MFSD6: variants seen among roughly 807,000 people sequenced by gnomAD.
MFSD6 encodes the protein major facilitator superfamily domain containing 6.
A neutral mutation model predicts 56.3 loss-of-function variants in MFSD6; 26 were observed. The observed-to-expected ratio is 0.46, with a 90% CI of 0.34 to 0.64. MFSD6 has a LOEUF of 0.64. MFSD6 is among the 30% of genes least tolerant of loss of function. The pLI is 0.01. For missense variants in MFSD6, 750 were observed against 986.2 expected, an observed-to-expected ratio of 0.76 and a Z score of 3.21; for synonymous variants, 331 against 366.9, an observed-to-expected ratio of 0.90 and a Z score of 1.12.
Position 190,497,407 on chromosome 2 carries a change from A to C in MFSD6, c.1892-32A>C. 2 of 1,599,714 alleles carry C rather than the reference A, an allele frequency of 1.3e-6. No individual in the cohort carries two copies. The highest frequency in any genetic ancestry group is 1.7e-6 in the Non-Finnish European group (2 of 1,172,126). On this transcript the variant is annotated intron_variant, in intron 6 of 7. Transcript: ENST00000392328. This position sits in a 1 kb window ranked among gnomAD's most constrained non-coding sequence, Gnocchi z 5.2. ...TTGTTCAAATATGTAGAAAATGCTG[A>C]AAAAATAGTTTAAACATTCTTTTCT...
chr2:190,456,313 G>C lies in MFSD6; in HGVS notation c.1533-13445G>C, dbSNP rs1179316840. Among the ~76,000 whole-genome samples the C allele has an allele frequency of 6.6e-6, 1 of 152,144 alleles. No individual in the cohort carries two copies. The highest frequency in any genetic ancestry group is 1.5e-5 in the Non-Finnish European group (1 of 68,016). ...TTCAGACAGAGAAGGTGTTTAGCATGGTGAGTGGGAACTGCATTGACTTCA... is the reference window on the plus strand; with the variant it reads ...TTCAGACAGAGAAGGTGTTTAGCATCGTGAGTGGGAACTGCATTGACTTCA... On this transcript the variant is annotated intron_variant, in intron 3 of 7. Transcript: ENST00000392328. This position sits in a 1 kb window ranked among gnomAD's most constrained non-coding sequence, Gnocchi z 5.4.
Position 190,418,000 on chromosome 2 carries a change from GTA to G in MFSD6, c.-54+2589_-54+2590del, listed in dbSNP as rs1491298712. 6.3e-3 allele frequency among the ~76,000 whole-genome samples: 927 copies of G among 146,356 alleles called. 1 individual carries two copies. Among genetic ancestry groups the G allele is most frequent in the South Asian group, 0.015 (67 of 4,594 alleles). On this transcript the variant is annotated intron_variant, in intron 2 of 7. Coordinates refer to ENST00000392328, the MANE Select transcript of MFSD6 (RefSeq NM_017694.4). The surrounding 1 kb of genome is among the most constrained non-coding windows in gnomAD (Gnocchi z 5.7). ...TGTGTGTGTGTGTGTGTGTGTGTGT[GTA>G]TGTGAGAGAGAGAGAGATGTGGTTT... is the stretch of plus-strand genomic sequence containing the variant.
chr2:190,464,860 G>A (rs769355030), intron 3 of MFSD6: 1 of 779,024 alleles, frequency 1.3e-6, no homozygotes, highest in Admixed American at 9.8e-5. Context: ...CTTAATAAAT[G>A]TTTATTGAGC....
intron 4 of MFSD6, chr2:190,477,375 G>T (rs1479604411): frequency 2.0e-6 from 2 of 980,588 alleles, no homozygotes; most frequent in East Asian, 2.3e-4. Context: ...TATAAATAAA[G>T]ATTTGTATAC....
Position 190,489,282 on chromosome 2 carries a change from T to A in MFSD6, c.1792+464T>A, listed in dbSNP as rs1689191050. On this transcript the variant is annotated intron_variant, in intron 5 of 7. Coordinates refer to ENST00000392328, the MANE Select transcript of MFSD6 (RefSeq NM_017694.4). The surrounding 1 kb of genome is among the most constrained non-coding windows in gnomAD (Gnocchi z 6.6). ...TCTGTCTGTCTTGTCATATCTTCCTTATTAGAAACATAGGAGCTGAAATAG... is the reference window on the plus strand; with the variant it reads ...TCTGTCTGTCTTGTCATATCTTCCTAATTAGAAACATAGGAGCTGAAATAG... 6.6e-6 allele frequency among the ~76,000 whole-genome samples: 1 copy of A among 152,176 alleles called. No homozygotes were observed. Among genetic ancestry groups the A allele is most frequent in the Non-Finnish European group, 1.5e-5 (1 of 68,030 alleles).
At position 190,498,316 on chromosome 2, in the gene MFSD6, A is replaced by G. The variant is rs376974076; in HGVS notation, c.2172+597A>G. On this transcript the variant is annotated intron_variant, in intron 7 of 7. Coordinates refer to ENST00000392328, the MANE Select transcript of MFSD6 (RefSeq NM_017694.4). This position sits in a 1 kb window ranked among gnomAD's most constrained non-coding sequence, Gnocchi z 5.9. ...ACTTTGGAAAATGAGTGTAACTTCT[A>G]TAAACAATTTAGCCAAAGAAATAGG... Among the ~76,000 whole-genome samples the G allele has an allele frequency of 8.5e-5, 13 of 152,356 alleles. 2 individuals carry two copies. Among genetic ancestry groups the G allele is most frequent in the African/African-American group, 2.9e-4 (12 of 41,582 alleles).
At position 190,436,987 on chromosome 2, in the gene MFSD6, C is replaced by T; in HGVS notation, c.958C>T (p.His320Tyr). The part of the protein sequence containing the change: ...DTVTLQYLGK[H>Y]RDRYGLQRMW... ...GGTCACACTCCAGTATCTGGGAAAACACAGAGATCGCTATGGGTTGCAGCG... is the reference window on the plus strand; with the variant it reads ...GGTCACACTCCAGTATCTGGGAAAATACAGAGATCGCTATGGGTTGCAGCG... Residue 320 changes from histidine to tyrosine, a missense_variant, in exon 3 of 8, where the codon CAC becomes TAC. Physicochemically the swap from His to Tyr is moderately conservative, Grantham distance 83. Transcript: ENST00000392328. This position sits in a 1 kb window ranked among gnomAD's most constrained non-coding sequence, Gnocchi z 5.3. The T allele has an allele frequency of 1.2e-6, 2 of 1,614,208 alleles. No individual in the cohort carries two copies. Among genetic ancestry groups the T allele is most frequent in the Non-Finnish European group, 1.7e-6 (2 of 1,180,042 alleles).
At chr2:190,430,371 T>G (rs1423065441) in intron 2 of MFSD6, among the ~76,000 whole-genome samples, 2 of 151,312 alleles carry the variant, frequency 1.3e-5, no homozygotes, top group Non-Finnish European at 2.9e-5. Flanking sequence ...AGTGTTTGTG[T>G]CCCTGGGTAC....
intron 6 of MFSD6, among the ~76,000 whole-genome samples, chr2:190,493,083 A>G (rs1297624309): frequency 6.6e-6 from 1 of 152,108 alleles, no homozygotes; most frequent in African/African-American, 2.4e-5. Context: ...AAAGATACAG[A>G]ATTGCAGAAT....
chr2:190,488,149 C>T lies in MFSD6; in HGVS notation c.1631-508C>T, dbSNP rs1458681540. ...ATCTCCTGACCTCGTGATCCACCCG[C>T]CTCGGCCTCCCAAAGTGCTGGGATT... On this transcript the variant is annotated intron_variant, in intron 4 of 7. Coordinates refer to ENST00000392328, the MANE Select transcript of MFSD6 (RefSeq NM_017694.4). The surrounding 1 kb of genome is among the most constrained non-coding windows in gnomAD (Gnocchi z 6.4). 2.0e-5 allele frequency among the ~76,000 whole-genome samples: 3 copies of T among 152,232 alleles called. No individual in the cohort carries two copies. Among genetic ancestry groups the T allele is most frequent in the Admixed American group, 2.0e-4 (3 of 15,290 alleles).
chr2:190,455,818 C>A (rs1233440515), intron 3 of MFSD6, among the ~76,000 whole-genome samples: 9 of 149,426 alleles, frequency 6.0e-5, no homozygotes, highest in African/African-American at 2.2e-4. Flanking sequence ...TTGGAAAAAA[C>A]TATATCAGTT....
In MFSD6 at chr2:190,447,498, GTCATAGCACATA is replaced by G. The variant is rs202066898; in HGVS notation, c.1532+9939_1532+9950del. Among the ~76,000 whole-genome samples the G allele has an allele frequency of 0.01, 1,578 of 152,214 alleles. 33 individuals carry two copies. The highest frequency in any genetic ancestry group is 0.035 in the African/African-American group (1,452 of 41,526). On this transcript the variant is annotated intron_variant, in intron 3 of 7. Transcript: ENST00000392328. The surrounding 1 kb of genome is among the most constrained non-coding windows in gnomAD (Gnocchi z 4.5). Reference sequence around the variant, plus strand: ...GCCCTATCTTATACATATAGTCTGTGTCATAGCACATATGAAAAAATGACCTACCTAGTGATA... The same window carrying G: ...GCCCTATCTTATACATATAGTCTGTGTGAAAAAATGACCTACCTAGTGATA...
chr2:190,498,826 C>T lies in MFSD6; in HGVS notation c.2172+1107C>T, dbSNP rs1050163335. Among the ~76,000 whole-genome samples, 49 of 152,174 alleles carry T rather than the reference C, an allele frequency of 3.2e-4. 1 individual carries two copies. The highest frequency in any genetic ancestry group is 9.2e-4 in the African/African-American group (38 of 41,502). On this transcript the variant is annotated intron_variant, in intron 7 of 7. Transcript: ENST00000392328. The surrounding 1 kb of genome is among the most constrained non-coding windows in gnomAD (Gnocchi z 5.9). Reference sequence around the variant, plus strand: ...AAGCCACATAAAATTTTTGATGTGGCGCTTTTTTTCTGGTATGTTAGGATT... The same window carrying T: ...AAGCCACATAAAATTTTTGATGTGGTGCTTTTTTTCTGGTATGTTAGGATT...
At chr2:190,430,827 G>A (rs1285563561) in intron 2 of MFSD6, among the ~76,000 whole-genome samples, 14 of 143,690 alleles carry the variant, frequency 9.7e-5, no homozygotes, top group Admixed American at 1.4e-4. Flanking sequence ...CGGACGGGGC[G>A]GCCGGCCGGG....
Position 190,418,903 on chromosome 2 carries a change from AG to A in MFSD6, c.-54+3493del, listed in dbSNP as rs2124992782. On this transcript the variant is annotated intron_variant, in intron 2 of 7. Coordinates refer to ENST00000392328, the MANE Select transcript of MFSD6 (RefSeq NM_017694.4). This position sits in a 1 kb window ranked among gnomAD's most constrained non-coding sequence, Gnocchi z 4.1. Reference sequence around the variant, plus strand: ...CCCGTGGGCAGTGCTGAGTGCCTGGAGGGCTCAGGCTGGAAACTGGGCTGAC... The same window carrying A: ...CCCGTGGGCAGTGCTGAGTGCCTGGAGGCTCAGGCTGGAAACTGGGCTGAC... 6.6e-6 allele frequency among the ~76,000 whole-genome samples: 1 copy of A among 152,296 alleles called. No individual in the cohort carries two copies. The highest frequency in any genetic ancestry group is 1.9e-4 in the East Asian group (1 of 5,176).
Position 190,408,367 on chromosome 2 carries a change from G to A in MFSD6, c.-312G>A, listed in dbSNP as rs1202704783. On this transcript the variant is annotated 5_prime_UTR_variant, in exon 1 of 8. Transcript: ENST00000392328. Reference sequence around the variant, plus strand: ...CCCCGCCCAGCCCGTCGCAGCCCCGGAGGAGCGCGCGAGCAGCCCGGGATG... The same window carrying A: ...CCCCGCCCAGCCCGTCGCAGCCCCGAAGGAGCGCGCGAGCAGCCCGGGATG... 2 of 151,098 alleles carry A rather than the reference G, an allele frequency of 1.3e-5. No homozygotes were observed. Among genetic ancestry groups the A allele is most frequent in the East Asian group, 2.0e-4 (1 of 5,116 alleles). 9.4% of individuals were successfully genotyped at this position (151,098 alleles called of 1,614,324 possible). A position where few individuals can be genotyped will look rare whatever the true frequency, so the allele number is the denominator to read the frequency against.
At position 190,498,452 on chromosome 2, in the gene MFSD6, AT is replaced by A. The variant is rs1689834684; in HGVS notation, c.2172+734del. Among the ~76,000 whole-genome samples, 1 of 152,228 alleles carries A rather than the reference AT, an allele frequency of 6.6e-6. No individual in the cohort carries two copies. The highest frequency in any genetic ancestry group is 2.1e-4 in the South Asian group (1 of 4,832). ...AAAAATAAAGGGGAAAGATTTAAAAATAAGGGTCATTTGAGTAATTCCCCTT... is the reference window on the plus strand; with the variant it reads ...AAAAATAAAGGGGAAAGATTTAAAAAAAGGGTCATTTGAGTAATTCCCCTT... On this transcript the variant is annotated intron_variant, in intron 7 of 7. Coordinates refer to ENST00000392328, the MANE Select transcript of MFSD6 (RefSeq NM_017694.4). This position sits in a 1 kb window ranked among gnomAD's most constrained non-coding sequence, Gnocchi z 5.9.
At chr2:190,477,361 ACT>A in intron 4 of MFSD6, 1 of 983,496 alleles carries the variant, frequency 1.0e-6, no homozygotes, top group African/African-American at 1.7e-5. Flanking sequence ...CAGTGTGCAG[ACT>A]CTATAAATAA....
At chr2:190,408,787 C>G (rs1008441984) in intron 1 of MFSD6, among the ~76,000 whole-genome samples, 3 of 152,200 alleles carry the variant, frequency 2.0e-5, no homozygotes, top group Admixed American at 1.3e-4. Context: ...CAGCGCGCCC[C>G]GTGCTGGCAG....
Sources: gnomAD v4.1 joint callset for allele counts (sites outside exome capture counted in the v4.1 genomes callset) on GRCh38, gnomAD v4.1.1 for gene constraint, Gnocchi (gnomAD v3.1) non-coding constraint, MANE v1.5 for transcripts, NCBI Gene and HGNC (gene_info 2026-07-23, HGNC 2026-07-21) for gene names.